Variants in KDM4B observed in about 807,000 individuals in gnomAD.
The protein encoded by KDM4B is lysine-specific demethylase 4B.
KDM4B carries 32 observed loss-of-function variants against 125.2 expected under a neutral mutation model. That is an observed-to-expected ratio of 0.26 (90% CI 0.19 to 0.34). KDM4B has a LOEUF of 0.34. KDM4B is among the 10% of genes least tolerant of loss of function. KDM4B has a pLI of 1.00. For synonymous variants in KDM4B, 721 were observed against 677.9 expected, an observed-to-expected ratio of 1.06 and a Z score of -0.99; for missense variants, 1,190 against 1,577.7, an observed-to-expected ratio of 0.75 and a Z score of 4.16.
intron 9 of KDM4B, among the ~76,000 whole-genome samples, chr19:5,109,797 G>GA (rs1265599249): frequency 6.6e-6 from 1 of 152,242 alleles, no homozygotes; most frequent in Non-Finnish European, 1.5e-5. Flanking sequence ...GCCTCCTGAG[G>GA]AGGGGCCGTT....
chr19:5,087,363 A>C (rs1256747640), intron 9 of KDM4B, among the ~76,000 whole-genome samples: 2 of 151,562 alleles, frequency 1.3e-5, no homozygotes, highest in African/African-American at 2.4e-5. Context: ...CTGTGTCCCC[A>C]CCCCCGGCTC....
chr19:5,110,965 G>T (rs570821007), intron 10 of KDM4B, 147 bp downstream of exon 10: 5 of 643,634 alleles, frequency 7.8e-6, no homozygotes, highest in Admixed American at 3.1e-5. Flanking sequence ...CTCCTCTTTC[G>T]TCCTCCTCCT....
chr19:5,124,014 G>A (rs572358755), intron 11 of KDM4B, among the ~76,000 whole-genome samples: 1 of 152,132 alleles, frequency 6.6e-6, no homozygotes, highest in African/African-American at 2.4e-5. Context: ...CTTGGGCTGG[G>A]GTCCCTGGGG....
chr19:4,996,272 G>A (rs1372308329), intron 1 of KDM4B, among the ~76,000 whole-genome samples: 1 of 152,226 alleles, frequency 6.6e-6, no homozygotes, highest in Non-Finnish European at 1.5e-5. Flanking sequence ...TTATAGGCGT[G>A]AGCTACTGCA....
intron 9 of KDM4B, among the ~76,000 whole-genome samples, chr19:5,085,081 G>C (rs2038447621): frequency 6.6e-6 from 1 of 152,108 alleles, no homozygotes; most frequent in South Asian, 2.1e-4. Context: ...ATCTCTCCTG[G>C]CCACGCCGGT....
In KDM4B at chr19:5,110,667, G is replaced by A; in HGVS notation, c.964G>A (p.Val322Met). ...GGTCAAGATCTCCATGGACGTGTTC[G>A]TGCGCATCCTGCAGCCCGAGCGCTA... ...DMVKISMDVF[V>M]RILQPERYEL... Residue 322 changes from valine to methionine, a missense_variant, in exon 10 of 23, where the codon GTG (valine) becomes ATG (methionine). By Grantham distance (21) the Val-to-Met change is conservative. Coordinates refer to ENST00000159111, the MANE Select transcript of KDM4B (RefSeq NM_015015.3). 6.2e-7 allele frequency: 1 copy of A among 1,613,050 alleles called. No individual in the cohort carries two copies. The highest frequency in any genetic ancestry group is 8.5e-7 in the Non-Finnish European group (1 of 1,179,900).
At chr19:4,987,097 C>T (rs1265842049) in intron 1 of KDM4B, among the ~76,000 whole-genome samples, 2 of 151,586 alleles carry the variant, frequency 1.3e-5, no homozygotes, top group Non-Finnish European at 3.0e-5. Context: ...TAGCTGGGAT[C>T]ACAGGCGCCC....
rs558268269 is a variant in KDM4B, at chr19:5,152,116, G to C, written c.*605G>C. The C allele has an allele frequency of 4.6e-5, 3 of 64,684 alleles. No homozygotes were observed. Among genetic ancestry groups the C allele is most frequent in the East Asian group, 5.7e-4 (2 of 3,538 alleles). The allele number at this position is 64,684 out of a possible 1,614,324, so 4.0% of individuals were successfully genotyped here. On this transcript the variant is annotated 3_prime_UTR_variant, in exon 23 of 23. Coordinates refer to ENST00000159111, the MANE Select transcript of KDM4B (RefSeq NM_015015.3). The stretch of plus-strand genomic sequence containing the variant: ...TAATTGGAGGGTGAGCCTCGGGGGG[G>C]GGGCAGGACGCCCCGGTTTCGGCAC...
intron 9 of KDM4B, among the ~76,000 whole-genome samples, chr19:5,103,381 A>T (rs1341000349): frequency 6.6e-6 from 1 of 152,246 alleles, no homozygotes; most frequent in Non-Finnish European, 1.5e-5. Context: ...CCCGCTCTGC[A>T]TAACCGGAGG....
intron 18 of KDM4B, among the ~76,000 whole-genome samples, chr19:5,139,320 C>T (rs1425503845): frequency 1.3e-5 from 2 of 152,220 alleles, no homozygotes; most frequent in East Asian, 1.9e-4. Flanking sequence ...TGTGGATGGA[C>T]GACGTTGTGT....
chr19:5,047,826 G>GTCAC (rs2037076513), intron 6 of KDM4B, among the ~76,000 whole-genome samples, 157 bp downstream of exon 6: 1 of 152,184 alleles, frequency 6.6e-6, no homozygotes. Context: ...ACCGCCTGGG[G>GTCAC]TCACCCACCA....
chr19:5,131,583 G>A (rs1314366284), intron 12 of KDM4B, 38 bp downstream of exon 12: 1 of 714,986 alleles, frequency 1.4e-6, no homozygotes, highest in African/African-American at 1.9e-5. Flanking sequence ...GAGGGGGGCA[G>A]GTGGGGTGGG....
At chr19:5,148,743 G>A (rs554793045) in intron 21 of KDM4B, among the ~76,000 whole-genome samples, 1 of 152,176 alleles carries the variant, frequency 6.6e-6, no homozygotes, top group Non-Finnish European at 1.5e-5. Context: ...GCCTGGCCAC[G>A]CCGGGGGTGG....
intron 15 of KDM4B, among the ~76,000 whole-genome samples, chr19:5,136,075 C>T (rs1953334914): frequency 6.6e-6 from 1 of 152,254 alleles, no homozygotes; most frequent in Admixed American, 6.5e-5. Context: ...GGGCAAACAT[C>T]CCTGCCCTTG....
intron 9 of KDM4B, among the ~76,000 whole-genome samples, chr19:5,090,158 T>C (rs906318095): frequency 1.3e-5 from 2 of 152,040 alleles, no homozygotes; most frequent in East Asian, 1.9e-4. Flanking sequence ...GCGCCTGCCG[T>C]GTGCAGGGGA....
At chr19:5,057,863 G>A (rs2037459435) in intron 6 of KDM4B, among the ~76,000 whole-genome samples, 1 of 152,268 alleles carries the variant, frequency 6.6e-6, no homozygotes, top group African/African-American at 2.4e-5. Context: ...GCCCTGCTTA[G>A]CCAAACTTGA....
chr19:5,018,696 C>G (rs2035966424), intron 2 of KDM4B, among the ~76,000 whole-genome samples: 1 of 152,252 alleles, frequency 6.6e-6, no homozygotes, highest in Admixed American at 6.5e-5. Flanking sequence ...AGAGGAAGCT[C>G]TGTCCCCCTC....
intron 8 of KDM4B, among the ~76,000 whole-genome samples, chr19:5,080,469 A>G (rs2038256776): frequency 6.6e-6 from 1 of 152,248 alleles, no homozygotes; most frequent in Admixed American, 6.5e-5. Context: ...GCCATGGTTC[A>G]GTGCCCAGCA....
At chr19:5,145,148 CCTT>C (rs1403852015) in intron 21 of KDM4B, among the ~76,000 whole-genome samples, 1 of 152,006 alleles carries the variant, frequency 6.6e-6, no homozygotes, top group Non-Finnish European at 1.5e-5. Context: ...CTTTGAGACA[CCTT>C]CTCAATTTTT....
Sources: allele counts gnomAD v4.1 joint callset (sites outside exome capture counted in the v4.1 genomes callset), GRCh38; gene constraint gnomAD v4.1.1; transcripts MANE v1.5; gene names NCBI Gene and HGNC (gene_info 2026-07-23, HGNC 2026-07-21).